Variants in AFF3 observed in about 807,000 individuals in gnomAD.
The protein encoded by AFF3 is ALF transcription elongation factor 3, also known as AF4/FMR2 family member 3.
Under a neutral mutation model 129.7 loss-of-function variants are expected in AFF3, and 32 were observed. That is an observed-to-expected ratio of 0.25 (90% CI 0.19 to 0.33). AFF3 has a LOEUF of 0.33. AFF3 is among the 10% of genes least tolerant of loss of function. The pLI is 1.00. For synonymous variants in AFF3, 644 were observed against 635.4 expected (o/e 1.01, Z -0.20); for missense variants, 1,373 against 1,592.0 (o/e 0.86, Z 2.34).
At chr2:99,870,261 C>T (rs968946707) in intron 7 of AFF3, among the ~76,000 whole-genome samples, 4 of 152,188 alleles carry the variant, frequency 2.6e-5, no homozygotes, top group Non-Finnish European at 2.9e-5. Context: ...AGCCCCTAGA[C>T]GTGACAGAAT....
chr2:99,939,688 T>C (rs990381799), intron 7 of AFF3, among the ~76,000 whole-genome samples: 2 of 152,220 alleles, frequency 1.3e-5, no homozygotes, highest in African/African-American at 4.8e-5. Context: ...CATACAGGAA[T>C]GTATATGGCG....
At chr2:99,568,759 A>G (rs1676211924) in intron 19 of AFF3, 93 bp downstream of exon 19, 4 of 1,278,378 alleles carry the variant, frequency 3.1e-6, no homozygotes, top group Non-Finnish European at 4.5e-6. Flanking sequence ...CTTGTAATAG[A>G]TTTTATAATT....
At chr2:99,576,408 C>G (rs1427613440) in intron 18 of AFF3, among the ~76,000 whole-genome samples, 1 of 150,028 alleles carries the variant, frequency 6.7e-6, no homozygotes, top group African/African-American at 2.5e-5. Flanking sequence ...CCCAGCTACT[C>G]AGGAGGCTGA....
chr2:100,133,618 T>G (rs1300862489), intron 1 of AFF3, among the ~76,000 whole-genome samples: 1 of 152,130 alleles, frequency 6.6e-6, no homozygotes, highest in Non-Finnish European at 1.5e-5. Flanking sequence ...CATGTACTAC[T>G]TTTTATCCAA....
At chr2:100,062,396 TG>T (rs1388302513) in intron 4 of AFF3, among the ~76,000 whole-genome samples, 3 of 152,032 alleles carry the variant, frequency 2.0e-5, no homozygotes, top group African/African-American at 7.2e-5. Flanking sequence ...ATTGTTTTGT[TG>T]GGTTCAGAGG....
chr2:99,648,917 A>ACACACACACTCTCTCTCTCTCTCTCT, intron 13 of AFF3, among the ~76,000 whole-genome samples: 5 of 46,870 alleles, frequency 1.1e-4, no homozygotes, highest in African/African-American at 2.6e-4. Flanking sequence ...ACACACACAC[A>ACACACACACTCTCTCTCTCTCTCTCT]CTCTCTCTCT....
chr2:99,703,900 T>G (rs993728272), intron 11 of AFF3, among the ~76,000 whole-genome samples: 1 of 152,226 alleles, frequency 6.6e-6, no homozygotes, highest in African/African-American at 2.4e-5. Context: ...TTACTTATAA[T>G]GTTTCTGAGT....
At position 99,885,456 on chromosome 2, in the gene AFF3, C is replaced by T. The variant is rs554953820; in HGVS notation, c.874-47932G>A. Among the ~76,000 whole-genome samples, 13 of 152,316 alleles carry T rather than the reference C, an allele frequency of 8.5e-5. 1 individual carries two copies. In the East Asian group the frequency reaches 2.3e-3, roughly 27 times the overall value. On this transcript the variant is annotated intron_variant, in intron 7 of 24. Coordinates refer to ENST00000672756, the MANE Select transcript of AFF3 (RefSeq NM_001386135.1). ...CATGCACACAGCCTGCATGTAACATCACACCTTACCCAGAGTAAAGACTAA... is the reference window on the plus strand; with the variant it reads ...CATGCACACAGCCTGCATGTAACATTACACCTTACCCAGAGTAAAGACTAA...
chr2:99,713,141 A>T (rs1678052168), intron 11 of AFF3, among the ~76,000 whole-genome samples: 2 of 152,164 alleles, frequency 1.3e-5, no homozygotes, highest in Admixed American at 1.3e-4. Context: ...AGATAAAAAG[A>T]GTTCTAAGGA....
chr2:99,849,554 C>T (rs1465693286), intron 7 of AFF3, among the ~76,000 whole-genome samples: 3 of 152,194 alleles, frequency 2.0e-5, no homozygotes, highest in East Asian at 1.9e-4. Flanking sequence ...ACAGCACCTA[C>T]GAAATGTGAG....
At chr2:99,710,009 G>A (rs1272118296) in intron 11 of AFF3, among the ~76,000 whole-genome samples, 1 of 152,168 alleles carries the variant, frequency 6.6e-6, no homozygotes, top group Non-Finnish European at 1.5e-5. Flanking sequence ...CACCTCTGGG[G>A]TAAAATCCTG....
intron 11 of AFF3, among the ~76,000 whole-genome samples, chr2:99,708,423 C>A (rs903527896): frequency 6.6e-6 from 1 of 152,082 alleles, no homozygotes; most frequent in Non-Finnish European, 1.5e-5. Flanking sequence ...TAAAGAAGTC[C>A]ATCCCAGGTT....
intron 8 of AFF3, among the ~76,000 whole-genome samples, chr2:99,759,492 T>C (rs943734134): frequency 6.6e-6 from 1 of 152,220 alleles, no homozygotes; most frequent in Non-Finnish European, 1.5e-5. Context: ...AAGTGCTCTA[T>C]ATAAACTTGT....
intron 8 of AFF3, among the ~76,000 whole-genome samples, chr2:99,822,557 T>C (rs1002838524): frequency 2.0e-5 from 3 of 152,186 alleles, no homozygotes; most frequent in East Asian, 1.9e-4. Flanking sequence ...CTGTCACCCC[T>C]GGAGCTGGCA....
At chr2:100,022,714 G>A (rs375091839) in intron 4 of AFF3, among the ~76,000 whole-genome samples, 61 of 152,200 alleles carry the variant, frequency 4.0e-4, no homozygotes, top group African/African-American at 1.3e-3. Context: ...GCCTGGCCCT[G>A]TCTCTTTTTA....
chr2:99,778,897 C>CGT (rs61526527), intron 8 of AFF3, among the ~76,000 whole-genome samples: 895 of 43,156 alleles, frequency 0.021, 7 homozygotes, highest in Middle Eastern at 0.11. Context: ...TGTGTGTGCG[C>CGT]GTGTGTGTGT....
chr2:99,944,010 C>T (rs1675322361), intron 7 of AFF3, among the ~76,000 whole-genome samples: 1 of 152,130 alleles, frequency 6.6e-6, no homozygotes, highest in South Asian at 2.1e-4. Context: ...AGTAATCCTC[C>T]TACCTCAGTC....
intron 8 of AFF3, among the ~76,000 whole-genome samples, chr2:99,801,160 G>A (rs1479815308): frequency 1.3e-5 from 2 of 152,106 alleles, no homozygotes; most frequent in African/African-American, 4.8e-5. Flanking sequence ...ATAAAGAAAT[G>A]TGAAAATGAT....
At chr2:99,849,165 C>A (rs1027684247) in intron 7 of AFF3, among the ~76,000 whole-genome samples, 3 of 151,900 alleles carry the variant, frequency 2.0e-5, no homozygotes, top group Non-Finnish European at 2.9e-5. Flanking sequence ...AAGTTACAAG[C>A]AGAACAAATT....
Sources: allele counts gnomAD v4.1 joint callset (sites outside exome capture counted in the v4.1 genomes callset), GRCh38; gene constraint gnomAD v4.1.1; transcripts MANE v1.5; gene names NCBI Gene and HGNC (gene_info 2026-07-23, HGNC 2026-07-21).